Variants in ADAMTS18 observed in about 807,000 individuals in gnomAD.
ADAMTS18 encodes the protein ADAM metallopeptidase with thrombospondin type 1 motif 18.
ADAMTS18 carries 157 observed loss-of-function variants against 165.9 expected under a neutral mutation model. That is an observed-to-expected ratio of 0.95 (90% CI 0.83 to 1.08). ADAMTS18 has a LOEUF of 1.08. ADAMTS18 is among the 50% of genes least tolerant of loss of function. The pLI, the probability that ADAMTS18 is intolerant of heterozygous loss-of-function variation, is 0.00. For missense variants in ADAMTS18, 2,040 were observed against 1,534.0 expected (o/e 1.33, Z -5.51); for synonymous variants, 782 against 578.2 (o/e 1.35, Z -5.06).
chr16:77,317,474 C>T (rs746208148), intron 16 of ADAMTS18, among the ~76,000 whole-genome samples: 10 of 152,188 alleles, frequency 6.6e-5, no homozygotes, highest in Non-Finnish European at 1.3e-4. Context: ...GCTGGGATTA[C>T]AGGCATGCGC....
intron 3 of ADAMTS18, among the ~76,000 whole-genome samples, chr16:77,371,011 T>G (rs1288470208): frequency 2.6e-5 from 4 of 152,102 alleles, no homozygotes; most frequent in Admixed American, 6.5e-5. Flanking sequence ...ACTTTGGGAT[T>G]TGAGATCAGC....
At chr16:77,384,390 A>G (rs893367083) in intron 3 of ADAMTS18, among the ~76,000 whole-genome samples, 2 of 152,200 alleles carry the variant, frequency 1.3e-5, no homozygotes, top group African/African-American at 4.8e-5. Context: ...TCCCTGTAAC[A>G]TAAATCCCTG....
chr16:77,307,364 T>C lies in ADAMTS18; in HGVS notation c.2533-6960A>G, dbSNP rs186706935. Among the ~76,000 whole-genome samples, 9 of 152,324 alleles carry C rather than the reference T, an allele frequency of 5.9e-5. No individual in the cohort carries two copies. The East Asian group carries it at 7.7e-4, about 13-fold the overall frequency. On this transcript the variant is annotated intron_variant, in intron 16 of 22. Coordinates refer to ENST00000282849, the MANE Select transcript of ADAMTS18 (RefSeq NM_199355.4). ...GGAAGAACATGACCAGGTATCATCA[T>C]TGCTATTATGTGTGAGTGATTGAAT...
At chr16:77,405,583 G>C (rs1271322463) in intron 3 of ADAMTS18, among the ~76,000 whole-genome samples, 2 of 152,204 alleles carry the variant, frequency 1.3e-5, no homozygotes, top group Non-Finnish European at 2.9e-5. Flanking sequence ...GAGATCTTGA[G>C]TGATTAACCT....
intron 3 of ADAMTS18, among the ~76,000 whole-genome samples, chr16:77,425,268 A>G (rs998843704): frequency 1.3e-5 from 2 of 152,194 alleles, no homozygotes; most frequent in African/African-American, 4.8e-5. Context: ...GGGACAAAGA[A>G]AAGAGAAACG....
At chr16:77,396,964 G>A (rs1429214535) in intron 3 of ADAMTS18, among the ~76,000 whole-genome samples, 2 of 151,874 alleles carry the variant, frequency 1.3e-5, no homozygotes, top group East Asian at 1.9e-4. Flanking sequence ...CCGCCACCAC[G>A]CCTGGCTAAT....
At chr16:77,337,328 A>G (rs1353878553) in intron 11 of ADAMTS18, among the ~76,000 whole-genome samples, 1 of 152,218 alleles carries the variant, frequency 6.6e-6, no homozygotes, top group Non-Finnish European at 1.5e-5. Context: ...AATAACAGTA[A>G]CAGCAGCAGC....
At position 77,283,951 on chromosome 16, in the gene ADAMTS18, C is replaced by G. The variant is rs1214952070; in HGVS notation, c.*5G>C. On this transcript the variant is annotated 3_prime_UTR_variant, in exon 23 of 23. Transcript: ENST00000282849. ...GGCCCTAAGGTGCTGGGGAGGACAC[C>G]AAGATCAGATCTTCCTTGTGCATGA... The G allele has an allele frequency of 1.2e-6, 2 of 1,611,730 alleles. No homozygotes were observed. The highest frequency in any genetic ancestry group is 2.7e-5 in the African/African-American group (2 of 74,776).
At chr16:77,292,364 T>A (rs2055380312) in intron 20 of ADAMTS18, among the ~76,000 whole-genome samples, 1 of 152,102 alleles carries the variant, frequency 6.6e-6, no homozygotes, top group Non-Finnish European at 1.5e-5. Context: ...CCCTCATGAT[T>A]TTTCCACCCC....
chr16:77,329,418 T>C (rs2056150908), intron 12 of ADAMTS18, among the ~76,000 whole-genome samples: 1 of 152,176 alleles, frequency 6.6e-6, no homozygotes, highest in African/African-American at 2.4e-5. Context: ...CTGATTTAAA[T>C]ACAGTATTCT....
chr16:77,316,404 G>A (rs143336695), intron 16 of ADAMTS18, among the ~76,000 whole-genome samples: 7,300 of 151,548 alleles, frequency 0.048, 502 homozygotes, highest in East Asian at 0.34. Flanking sequence ...ATAGGCATGC[G>A]CCACCATACC....
rs1288038530 is a variant in ADAMTS18 at position 77,390,598 on chromosome 16, G to A, written c.496-22875C>T. ...CCAGGTACTCAGCAGGCTGAGGCAG[G>A]AGAATTGCCTGAACCCGGCAGACGG... On this transcript the variant is annotated intron_variant, in intron 3 of 22. Coordinates refer to ENST00000282849, the MANE Select transcript of ADAMTS18 (RefSeq NM_199355.4). 3.3e-5 allele frequency among the ~76,000 whole-genome samples: 5 copies of A among 152,132 alleles called. No individual in the cohort carries two copies. In the South Asian group the frequency reaches 6.2e-4, roughly 19 times the overall value.
chr16:77,408,749 T>C (rs2057423655), intron 3 of ADAMTS18, among the ~76,000 whole-genome samples: 1 of 152,178 alleles, frequency 6.6e-6, no homozygotes, highest in Admixed American at 6.5e-5. Context: ...TTTGCAATGA[T>C]GGTGACATGA....
chr16:77,299,417 G>C (rs911349127), intron 17 of ADAMTS18, among the ~76,000 whole-genome samples: 6 of 152,038 alleles, frequency 3.9e-5, no homozygotes, highest in African/African-American at 1.4e-4. Context: ...TTGTTAATTA[G>C]CATGGACCTA....
chr16:77,367,456 C>T lies in ADAMTS18; in HGVS notation c.763G>A (p.Gly255Arg). ...CCTTACATACATTTCTTGCGTCGTCCACAAAAATGCTGCTTTTGCAACCTT... is the reference window on the plus strand; with the variant it reads ...CCTTACATACATTTCTTGCGTCGTCTACAAAAATGCTGCTTTTGCAACCTT... Reference protein sequence around the residue: ...HRRLQKQHFCGRRKKYAPKPP... With the variant: ...HRRLQKQHFCRRRKKYAPKPP... The change falls in exon 4 of 23, where the codon GGA (glycine) becomes AGA (arginine). Residue 255 changes from glycine (G) to arginine (R), a missense_variant. Coordinates refer to ENST00000282849, the MANE Select transcript of ADAMTS18 (RefSeq NM_199355.4). The T allele has an allele frequency of 1.2e-6, 2 of 1,614,180 alleles. No individual in the cohort carries two copies. Among genetic ancestry groups the T allele is most frequent in the Non-Finnish European group, 1.7e-6 (2 of 1,180,036 alleles).
intron 16 of ADAMTS18, among the ~76,000 whole-genome samples, chr16:77,317,164 G>A (rs2055902315): frequency 6.6e-6 from 1 of 151,880 alleles, no homozygotes; most frequent in Non-Finnish European, 1.5e-5. Context: ...CTGTACATCT[G>A]CCTTCATTTA....
chr16:77,426,147 G>C (rs892078712), intron 3 of ADAMTS18, among the ~76,000 whole-genome samples: 1 of 152,162 alleles, frequency 6.6e-6, no homozygotes. Context: ...GTATTAAAAG[G>C]TATGAAATAT....
intron 3 of ADAMTS18, among the ~76,000 whole-genome samples, chr16:77,431,030 T>C (rs1390397603): frequency 3.9e-5 from 6 of 151,994 alleles, no homozygotes; most frequent in Non-Finnish European, 7.4e-5. Context: ...GTTAATTTCC[T>C]TGGGGATCAT....
At chr16:77,388,750 T>A (rs1021866693) in intron 3 of ADAMTS18, among the ~76,000 whole-genome samples, 5 of 152,166 alleles carry the variant, frequency 3.3e-5, no homozygotes, top group African/African-American at 1.2e-4. Context: ...GTTGTTTTCT[T>A]CCCCTCAGCA....
Sources: gnomAD v4.1 joint callset for allele counts (sites outside exome capture counted in the v4.1 genomes callset) on GRCh38, gnomAD v4.1.1 for gene constraint, MANE v1.5 for transcripts, NCBI Gene and HGNC (gene_info 2026-07-23, HGNC 2026-07-21) for gene names.